GUCY1A2: variants seen among roughly 807,000 people sequenced by gnomAD.
The protein encoded by GUCY1A2 is guanylate cyclase 1 soluble subunit alpha 2, also known as guanylate cyclase soluble subunit alpha-2.
A neutral mutation model predicts 63.5 loss-of-function variants in GUCY1A2; 27 were observed. The observed-to-expected ratio is 0.43, with a 90% CI of 0.31 to 0.59. GUCY1A2 has a LOEUF of 0.59. Ranked by LOEUF, GUCY1A2 falls within the 20% of genes least tolerant of loss-of-function variation. GUCY1A2 has a pLI of 0.11. For missense variants in GUCY1A2, 768 were observed against 913.3 expected (o/e 0.84, Z 2.05); for synonymous variants, 364 against 343.5 (o/e 1.06, Z -0.66).
In GUCY1A2 at chr11:106,687,845, C is replaced by T. The variant is rs1362530546; in HGVS notation, c.1992-89G>A. On this transcript the variant is annotated intron_variant, in intron 7 of 7. Transcript: ENST00000526355. ...AATTTTAAAGGCTCAGGAAGCCTAT[C>T]TCTGACTGTTCATGGTAATACCTCT... 3 of 838,578 alleles carry T rather than the reference C, an allele frequency of 3.6e-6. No individual in the cohort carries two copies. The African/African-American group carries it at 5.0e-5, about 14-fold the overall frequency. 51.9% of individuals were successfully genotyped at this position (838,578 alleles called of 1,614,324 possible). A position where few individuals can be genotyped will look rare whatever the true frequency, so the allele number is the denominator to read the frequency against.
At chr11:106,771,288 G>T (rs1057210039) in intron 6 of GUCY1A2, among the ~76,000 whole-genome samples, 4 of 152,258 alleles carry the variant, frequency 2.6e-5, no homozygotes, top group Non-Finnish European at 5.9e-5. Context: ...AACTATTAGT[G>T]TAAGTTAGCC....
At chr11:107,007,871 T>TGGGCGACAGAGCAAGAC (rs1555060977) in intron 1 of GUCY1A2, among the ~76,000 whole-genome samples, 5 of 150,550 alleles carry the variant, frequency 3.3e-5, no homozygotes, top group Admixed American at 2.1e-4. Context: ...CATGATAGAT[T>TGGGCGACAGAGCAAGAC]TACTGTCCCT....
rs116382207 is a variant in GUCY1A2, at chr11:106,735,940, T to C, written c.1837-27274A>G. 5.5e-3 allele frequency among the ~76,000 whole-genome samples: 845 copies of C among 152,298 alleles called. 9 individuals are homozygous for C. Among genetic ancestry groups the C allele is most frequent in the African/African-American group, 0.019 (787 of 41,578 alleles). On this transcript the variant is annotated intron_variant, in intron 6 of 7. Coordinates refer to ENST00000526355, the MANE Select transcript of GUCY1A2 (RefSeq NM_000855.3). The stretch of plus-strand genomic sequence containing the variant: ...CATTTGTGTGTCTTCTTTTGAGTAG[T>C]GTCTATTCAGATCTTTTACTCATTT...
rs73547926 is a variant in GUCY1A2, at chr11:106,679,832, T to C, written c.*7717A>G. The C allele has an allele frequency of 2.9e-4, 63 of 217,812 alleles. No homozygotes were observed. Among genetic ancestry groups the C allele is most frequent in the African/African-American group, 1.4e-3 (61 of 44,552 alleles). The allele number at this position is 217,812 out of a possible 1,614,324, so 13.5% of individuals were successfully genotyped here. ...CATTGTAACCAAGACTAGTTCTATC[T>C]GCCACCTTCAGAAAGCATCTATTTG... On this transcript the variant is annotated 3_prime_UTR_variant, in exon 8 of 8. Transcript: ENST00000526355.
chr11:106,809,879 A>G, intron 5 of GUCY1A2, 114 bp downstream of exon 5: 2 of 675,040 alleles, frequency 3.0e-6, no homozygotes, highest in Non-Finnish European at 4.9e-6. Context: ...TAAAATTTCT[A>G]AATTAAAGAG....
chr11:106,872,674 T>C (rs1195106685), intron 4 of GUCY1A2, among the ~76,000 whole-genome samples: 4 of 152,238 alleles, frequency 2.6e-5, no homozygotes, highest in Non-Finnish European at 5.9e-5. Context: ...AAAGTGTAAT[T>C]GCTGCTTTGT....
At position 106,929,459 on chromosome 11, in the gene GUCY1A2, C is replaced by G. The variant is rs77667864; in HGVS notation, c.1206+10001G>C. On this transcript the variant is annotated intron_variant, in intron 4 of 7. Coordinates refer to ENST00000526355, the MANE Select transcript of GUCY1A2 (RefSeq NM_000855.3). ...AGCTTTTCTAAATCTCTCTACTCCA[C>G]CAATTCATTACTTTTTAAGGTTAAA... 4.6e-5 allele frequency among the ~76,000 whole-genome samples: 7 copies of G among 152,252 alleles called. No individual in the cohort carries two copies. In the South Asian group the frequency reaches 8.3e-4, roughly 18 times the overall value.
intron 4 of GUCY1A2, among the ~76,000 whole-genome samples, chr11:106,897,603 A>G (rs1944199): frequency 0.16 from 23,859 of 152,032 alleles, 2,189 homozygotes; most frequent in South Asian, 0.28. Flanking sequence ...ATGCAATGAA[A>G]AAAAGATACC....
In GUCY1A2 at chr11:106,763,413, A is replaced by C. The variant is rs573025078; in HGVS notation, c.1836+13026T>G. On this transcript the variant is annotated intron_variant, in intron 6 of 7. Coordinates refer to ENST00000526355, the MANE Select transcript of GUCY1A2 (RefSeq NM_000855.3). ...TATAGAAGGCAGAAAACAACATTAA[A>C]TCTGTTAAAAGCTTGATGGAGGTGG... 3.3e-5 allele frequency among the ~76,000 whole-genome samples: 5 copies of C among 152,144 alleles called. No individual in the cohort carries two copies. The East Asian group carries it at 9.7e-4, about 29-fold the overall frequency.
intron 4 of GUCY1A2, among the ~76,000 whole-genome samples, chr11:106,811,920 A>G (rs1858767172): frequency 6.6e-6 from 1 of 152,042 alleles, no homozygotes; most frequent in Admixed American, 6.6e-5. Flanking sequence ...CCAAATCTAT[A>G]TCGGCCAGAG....
At chr11:106,781,112 CAAAAAA>C (rs565279937) in intron 5 of GUCY1A2, among the ~76,000 whole-genome samples, 3,179 of 88,994 alleles carry the variant, frequency 0.036, 109 homozygotes, top group East Asian at 0.21. Context: ...AAACAGACTA[CAAAAAA>C]AAAAAAAAAA....
At chr11:106,796,657 T>C (rs888559228) in intron 5 of GUCY1A2, among the ~76,000 whole-genome samples, 7 of 152,224 alleles carry the variant, frequency 4.6e-5, no homozygotes, top group African/African-American at 1.4e-4. Flanking sequence ...GTTAGTCTGA[T>C]GGGCTTCCCT....
chr11:106,827,719 T>C lies in GUCY1A2; in HGVS notation c.1207-17241A>G, dbSNP rs1162336902. On this transcript the variant is annotated intron_variant, in intron 4 of 7. Transcript: ENST00000526355. The stretch of plus-strand genomic sequence containing the variant: ...TCAACATCAAATTCTTCCAATATTT[T>C]AGAAATCTGCTTGAAATTTGTAACT... 3.2e-6 allele frequency: 5 copies of C among 1,542,482 alleles called. No homozygotes were observed. The East Asian group carries it at 1.1e-4, about 35-fold the overall frequency.
chr11:106,764,972 G>GC (rs1864135057), intron 6 of GUCY1A2, among the ~76,000 whole-genome samples: 1 of 101,000 alleles, frequency 9.9e-6, no homozygotes, highest in African/African-American at 3.6e-5. Context: ...GATTTTTTTG[G>GC]GGGGGGGTTG....
chr11:106,896,401 C>A (rs1002740774), intron 4 of GUCY1A2, among the ~76,000 whole-genome samples: 1 of 152,084 alleles, frequency 6.6e-6, no homozygotes, highest in Non-Finnish European at 1.5e-5. Flanking sequence ...AGATGAGGAG[C>A]AAGGCAAGAA....
chr11:106,934,279 G>A (rs372550332), intron 4 of GUCY1A2, among the ~76,000 whole-genome samples: 108 of 152,248 alleles, frequency 7.1e-4, no homozygotes, highest in African/African-American at 2.2e-3. Flanking sequence ...CTAATGTATA[G>A]AGAAAGCTCT....
At position 106,687,798 on chromosome 11, in the gene GUCY1A2, G is replaced by A. The variant is rs1461005580; in HGVS notation, c.1992-42C>T. 2.2e-6 allele frequency: 3 copies of A among 1,341,984 alleles called. No individual in the cohort carries two copies. The Admixed American group carries it at 5.1e-5, about 23-fold the overall frequency. 83.1% of individuals were successfully genotyped at this position (1,341,984 alleles called of 1,614,324 possible). ...GAGCACATGAATCAAGTAGGCCAGGGAAATGTAAATACATGGACAGAAATT... is the reference window on the plus strand; with the variant it reads ...GAGCACATGAATCAAGTAGGCCAGGAAAATGTAAATACATGGACAGAAATT... On this transcript the variant is annotated intron_variant, in intron 7 of 7. Transcript: ENST00000526355.
intron 5 of GUCY1A2, among the ~76,000 whole-genome samples, chr11:106,778,737 G>A (rs1864406441): frequency 6.6e-6 from 1 of 151,668 alleles, no homozygotes; most frequent in African/African-American, 2.4e-5. Context: ...CTATAATATA[G>A]CTATTTATTA....
chr11:106,715,065 A>G (rs1863191188), intron 6 of GUCY1A2, among the ~76,000 whole-genome samples: 1 of 152,226 alleles, frequency 6.6e-6, no homozygotes, highest in Non-Finnish European at 1.5e-5. Context: ...TAGGCTATCT[A>G]TCACCCAATC....
Sources: gnomAD v4.1 joint callset for allele counts (sites outside exome capture counted in the v4.1 genomes callset) on GRCh38, gnomAD v4.1.1 for gene constraint, MANE v1.5 for transcripts, NCBI Gene and HGNC (gene_info 2026-07-23, HGNC 2026-07-21) for gene names.